Variants in WDPCP observed in about 807,000 individuals in gnomAD.
WDPCP encodes WD repeat containing planar cell polarity effector.
Under a neutral mutation model 93.1 loss-of-function variants are expected in WDPCP, and 71 were observed. The ratio of observed to expected loss-of-function variants is 0.76; its 90% CI spans 0.63 to 0.93. WDPCP has a LOEUF of 0.93. Ranked by LOEUF, WDPCP falls within the 40% of genes least tolerant of loss-of-function variation. WDPCP has a pLI of 0.00. For synonymous variants in WDPCP, 315 were observed against 315.0 expected (o/e 1.00, Z 0.00); for missense variants, 844 against 887.4 (o/e 0.95, Z 0.62).
At chr2:63,294,445 G>A (rs1362344532) in intron 13 of WDPCP, among the ~76,000 whole-genome samples, 4 of 151,060 alleles carry the variant, frequency 2.6e-5, no homozygotes, top group African/African-American at 9.7e-5. Flanking sequence ...GGGAGGTGGA[G>A]GTTGCAGGGA....
chr2:63,557,435 G>C (rs1706213893), intron 1 of WDPCP, among the ~76,000 whole-genome samples: 1 of 152,096 alleles, frequency 6.6e-6, no homozygotes, highest in African/African-American at 2.4e-5. Flanking sequence ...TAATGGTAAA[G>C]GGTTGAATTC....
intron 10 of WDPCP, among the ~76,000 whole-genome samples, chr2:63,387,459 AC>A (rs1465648877): frequency 1.3e-5 from 2 of 152,028 alleles, no homozygotes; most frequent in Non-Finnish European, 2.9e-5. Flanking sequence ...AAGAAAAAAA[AC>A]CTCAACAAAC....
intron 14 of WDPCP, among the ~76,000 whole-genome samples, chr2:63,183,754 G>GTCTA (rs902211075): frequency 2.6e-5 from 4 of 151,942 alleles, no homozygotes; most frequent in East Asian, 1.9e-4. Context: ...TTATATTGCT[G>GTCTA]TCTATCTCTT....
At chr2:63,604,644 T>A in intron 3 of WDPCP, 1 of 1,459,358 alleles carries the variant, frequency 6.9e-7, no homozygotes, top group South Asian at 1.3e-5. Context: ...AGGTCCCAAT[T>A]GGAAATAAAA....
chr2:63,420,828 A>G (rs371654880), intron 9 of WDPCP, among the ~76,000 whole-genome samples: 21 of 152,230 alleles, frequency 1.4e-4, no homozygotes, highest in Admixed American at 3.3e-4. Context: ...AAACTGCTGT[A>G]GAGCATTCCA....
chr2:63,382,201 G>T (rs1692371435), intron 10 of WDPCP, 107 bp from the exon 11 acceptor site: 2 of 1,136,834 alleles, frequency 1.8e-6, no homozygotes. Flanking sequence ...TGCATTAAGT[G>T]CTAGAAATGT....
At chr2:63,563,752 C>T (rs1451375306) in intron 1 of WDPCP, among the ~76,000 whole-genome samples, 2 of 152,134 alleles carry the variant, frequency 1.3e-5, no homozygotes, top group African/African-American at 2.4e-5. Flanking sequence ...AAAGAAAACA[C>T]ACTCCCTGTT....
At chr2:63,322,917 A>G (rs1003864634) in intron 12 of WDPCP, among the ~76,000 whole-genome samples, 1 of 152,228 alleles carries the variant, frequency 6.6e-6, no homozygotes, top group African/African-American at 2.4e-5. Flanking sequence ...TCGGCCAGTT[A>G]AAAGCTACTA....
intron 3 of WDPCP, chr2:63,604,863 A>G: frequency 1.9e-6 from 3 of 1,614,136 alleles, no homozygotes; most frequent in Non-Finnish European, 2.5e-6. Context: ...TCAAGGGAGA[A>G]TTTGTCACGG....
chr2:63,520,982 C>T (rs895634678), intron 1 of WDPCP, among the ~76,000 whole-genome samples: 4 of 151,752 alleles, frequency 2.6e-5, no homozygotes, highest in East Asian at 1.9e-4. Context: ...CAAATAAGAT[C>T]CTCTTCAGAC....
intron 2 of WDPCP, among the ~76,000 whole-genome samples, chr2:63,785,104 G>C (rs1433094369): frequency 1.3e-5 from 2 of 152,138 alleles, no homozygotes; most frequent in African/African-American, 4.8e-5. Flanking sequence ...TTCTCCATTG[G>C]TTTTGCTCTT....
chr2:63,276,680 G>GA (rs986456880), intron 13 of WDPCP, among the ~76,000 whole-genome samples: 26 of 152,054 alleles, frequency 1.7e-4, no homozygotes, highest in African/African-American at 6.0e-4. Context: ...CAAAGACAAA[G>GA]AAAAAATAAT....
At chr2:63,708,495 G>A (rs1169063517) in intron 2 of WDPCP, among the ~76,000 whole-genome samples, 1 of 152,220 alleles carries the variant, frequency 6.6e-6, no homozygotes, top group Non-Finnish European at 1.5e-5. Flanking sequence ...ATTAGGGTGG[G>A]AGTGACCCGA....
intron 14 of WDPCP, among the ~76,000 whole-genome samples, chr2:63,219,533 T>TCTTAAATCA (rs1194927218): frequency 6.6e-6 from 1 of 152,248 alleles, no homozygotes; most frequent in East Asian, 1.9e-4. Context: ...TCTTGTATTT[T>TCTTAAATCA]CTTAAAGTGA....
chr2:63,131,337 A>C (rs1292832305), intron 17 of WDPCP, among the ~76,000 whole-genome samples: 3 of 123,266 alleles, frequency 2.4e-5, no homozygotes, highest in African/African-American at 9.2e-5. Flanking sequence ...TTCCCTTTTC[A>C]TTTCCTTTTG....
intron 14 of WDPCP, among the ~76,000 whole-genome samples, chr2:63,226,826 T>C (rs1678331971): frequency 6.6e-6 from 1 of 151,902 alleles, no homozygotes; most frequent in Admixed American, 6.6e-5. Flanking sequence ...TTGGAAGCAG[T>C]CTTATGCACA....
intron 1 of WDPCP, among the ~76,000 whole-genome samples, chr2:63,544,586 C>A (rs1045150734): frequency 6.6e-5 from 10 of 152,088 alleles, no homozygotes; most frequent in African/African-American, 1.9e-4. Flanking sequence ...GGTGGCCTAC[C>A]ATTTTCATGG....
chr2:63,161,449 C>T (rs1672636167), intron 15 of WDPCP, among the ~76,000 whole-genome samples: 1 of 152,056 alleles, frequency 6.6e-6, no homozygotes, highest in Admixed American at 6.6e-5. Flanking sequence ...AATAAATAGA[C>T]CCAAAGAAAT....
intron 2 of WDPCP, among the ~76,000 whole-genome samples, chr2:63,696,287 C>T (rs1308623096): frequency 8.0e-6 from 1 of 125,684 alleles, no homozygotes; most frequent in East Asian, 2.0e-4. Context: ...GGAAGTGATC[C>T]GATCCGTTGC....
Sources: gnomAD v4.1 joint callset for allele counts (sites outside exome capture counted in the v4.1 genomes callset) on GRCh38, gnomAD v4.1.1 for gene constraint, MANE v1.5 for transcripts, NCBI Gene and HGNC (gene_info 2026-07-23, HGNC 2026-07-21) for gene names.